The following CCDC7 variants were observed in gnomAD, a reference collection of about 807,000 sequenced individuals.
CCDC7 encodes coiled-coil domain containing 7.
In CCDC7, 183 loss-of-function variants were observed where a neutral mutation model predicts 196.9. That is an observed-to-expected ratio of 0.93 (90% CI 0.82 to 1.05). The LOEUF (loss-of-function observed/expected upper bound fraction) is 1.05, where lower values mean the gene tolerates loss of function less well. Among genes scored for constraint, CCDC7 ranks in the 50% least tolerant of loss-of-function variants. The pLI is 0.00. For missense variants in CCDC7, 1,540 were observed against 1,482.2 expected, an observed-to-expected ratio of 1.04 and a Z score of -0.64; for synonymous variants, 525 against 484.6, an observed-to-expected ratio of 1.08 and a Z score of -1.10.
chr10:32,685,809 T>C (rs951261016), intron 21 of CCDC7, among the ~76,000 whole-genome samples, 161 bp from the exon 23 acceptor site: 4 of 152,210 alleles, frequency 2.6e-5, no homozygotes, highest in Non-Finnish European at 5.9e-5. Context: ...AAAATTCTTT[T>C]CAGCATTTTC....
upstream of CCDC7, among the ~76,000 whole-genome samples, chr10:32,449,630 C>G (rs562096776): frequency 1.3e-3 from 196 of 152,184 alleles, 1 homozygote; most frequent in African/African-American, 4.5e-3. Context: ...TGTGTTCCTC[C>G]TGGAAGTTAG....
At chr10:32,613,125 C>G in intron 18 of CCDC7, among the ~76,000 whole-genome samples, 1 of 147,322 alleles carries the variant, frequency 6.8e-6, no homozygotes, top group Admixed American at 6.9e-5. Flanking sequence ...TTCAGGGATT[C>G]TGTTTTTTCC....
At chr10:32,777,195 T>A (rs2080202585) in intron 28 of CCDC7, among the ~76,000 whole-genome samples, 1 of 152,232 alleles carries the variant, frequency 6.6e-6, no homozygotes, top group African/African-American at 2.4e-5. Flanking sequence ...TCCATGTTGC[T>A]GCAAAAGACA....
chr10:32,742,332 A>G (rs2085998361), intron 28 of CCDC7, among the ~76,000 whole-genome samples: 1 of 152,182 alleles, frequency 6.6e-6, no homozygotes, highest in South Asian at 2.1e-4. Flanking sequence ...ATGAACCTAC[A>G]CTGACACCAC....
chr10:32,597,846 C>T lies in CCDC7; in HGVS notation c.1801+13542C>T, dbSNP rs374653253. Among the ~76,000 whole-genome samples the T allele has an allele frequency of 1.7e-3, 266 of 152,124 alleles. 2 individuals are homozygous for T. Among genetic ancestry groups the T allele is most frequent in the African/African-American group, 4.8e-3 (199 of 41,552 alleles). ...GGCTGCAGAACAGCAAATGTTGCTG[C>T]GTAATCCTTCCTCTGGAAGCTTCGT... On this transcript the variant is annotated intron_variant, in intron 18 of 41. Transcript: ENST00000639629.
At chr10:32,543,227 G>C (rs2051812808) in intron 11 of CCDC7, 73 bp from the exon 13 acceptor site, 1 of 1,221,010 alleles carries the variant, frequency 8.2e-7, no homozygotes, top group African/African-American at 1.6e-5. Context: ...CATTAATAAT[G>C]TATATTATCA....
chr10:32,870,489 A>G (rs2136778286), intron 41 of CCDC7, among the ~76,000 whole-genome samples: 1 of 152,278 alleles, frequency 6.6e-6, no homozygotes, highest in South Asian at 2.1e-4. Context: ...GCTTAAGGAG[A>G]TTTTGGGCTG....
chr10:32,718,780 C>T (rs1282389451), intron 25 of CCDC7, among the ~76,000 whole-genome samples: 3 of 152,002 alleles, frequency 2.0e-5, no homozygotes, highest in Non-Finnish European at 2.9e-5. Flanking sequence ...ACAATTGCTA[C>T]AAAGAAAATA....
chr10:32,783,344 G>A (rs991389407), intron 29 of CCDC7, among the ~76,000 whole-genome samples: 7 of 152,172 alleles, frequency 4.6e-5, no homozygotes, highest in Admixed American at 2.0e-4. Flanking sequence ...AAATGGGCAA[G>A]TGATTTGAAT....
intron 20 of CCDC7, among the ~76,000 whole-genome samples, chr10:32,638,280 C>T (rs974752068): frequency 2.6e-5 from 4 of 152,064 alleles, no homozygotes; most frequent in African/African-American, 9.7e-5. Context: ...GAATAGGAGT[C>T]GTGAGAGAGG....
At chr10:32,805,660 AG>A (rs1565556914) in intron 30 of CCDC7, among the ~76,000 whole-genome samples, 1 of 152,220 alleles carries the variant, frequency 6.6e-6, no homozygotes, top group Non-Finnish European at 1.5e-5. Flanking sequence ...ATACAAAGGA[AG>A]GCAGACAGGT....
Position 32,571,841 on chromosome 10 carries a change from G to T in CCDC7, c.1420-18G>T, listed in dbSNP as rs367568240. Reference sequence around the variant, plus strand: ...TGCATACTTGATATTTTTAAATGTAGTATTATCTTTATCACAGATCACTGC... The same window carrying T: ...TGCATACTTGATATTTTTAAATGTATTATTATCTTTATCACAGATCACTGC... On this transcript the variant is annotated intron_variant, in intron 15 of 41. Coordinates refer to ENST00000639629, the Ensembl canonical transcript of CCDC7. 2 of 1,540,826 alleles carry T rather than the reference G, an allele frequency of 1.3e-6. No homozygotes were observed. Among genetic ancestry groups the T allele is most frequent in the African/African-American group, 1.4e-5 (1 of 70,748 alleles).
intron 27 of CCDC7, 73 bp downstream of exon 28, chr10:32,729,070 C>A: frequency 9.4e-7 from 1 of 1,067,276 alleles, no homozygotes; most frequent in Non-Finnish European, 1.4e-6. Context: ...TTTGATTCGT[C>A]AGTGTGTACT....
chr10:32,762,303 C>T (rs1238245363), intron 28 of CCDC7, among the ~76,000 whole-genome samples: 1 of 151,772 alleles, frequency 6.6e-6, no homozygotes, highest in Non-Finnish European at 1.5e-5. Flanking sequence ...GAGCACTTCT[C>T]ATGGCTAGCT....
intron 24 of CCDC7, among the ~76,000 whole-genome samples, chr10:32,705,305 G>A (rs528280834): frequency 8.5e-5 from 13 of 152,150 alleles, no homozygotes; most frequent in African/African-American, 2.9e-4. Flanking sequence ...CCTTACAAAA[G>A]CTCCTGAAGG....
At chr10:32,674,387 G>C (rs1251040258) in intron 21 of CCDC7, among the ~76,000 whole-genome samples, 3 of 151,704 alleles carry the variant, frequency 2.0e-5, no homozygotes, top group Non-Finnish European at 2.9e-5. Flanking sequence ...ATGTATTTGT[G>C]ATTTTTTTCC....
chr10:32,497,902 A>G (rs767334328), intron 9 of CCDC7, among the ~76,000 whole-genome samples: 1 of 152,164 alleles, frequency 6.6e-6, no homozygotes, highest in Non-Finnish European at 1.5e-5. Flanking sequence ...GTAGATGTCT[A>G]TTAGTTCTGC....
intron 13 of CCDC7, among the ~76,000 whole-genome samples, chr10:32,552,451 T>C (rs1012776020): frequency 6.6e-6 from 1 of 152,218 alleles, no homozygotes; most frequent in East Asian, 1.9e-4. Flanking sequence ...CTGTGTACTT[T>C]GGGTTCTTGT....
chr10:32,445,037 A>G (rs924446350), upstream of CCDC7, among the ~76,000 whole-genome samples: 1 of 152,106 alleles, frequency 6.6e-6, no homozygotes, highest in African/African-American at 2.4e-5. Flanking sequence ...TATTTTTAGT[A>G]GAGATGGGGT....
Sources: gnomAD v4.1 joint callset for allele counts (sites outside exome capture counted in the v4.1 genomes callset) on GRCh38, gnomAD v4.1.1 for gene constraint, MANE v1.5 for transcripts, NCBI Gene and HGNC (gene_info 2026-07-23, HGNC 2026-07-21) for gene names.